Variants in MBNL2 observed in about 807,000 individuals in gnomAD.
MBNL2 encodes the protein muscleblind like splicing regulator 2, also known as muscleblind-like protein 2.
In MBNL2, 17 loss-of-function variants were observed where a neutral mutation model predicts 41.9. The ratio of observed to expected loss-of-function variants is 0.41; its 90% CI spans 0.28 to 0.61. MBNL2 has a LOEUF of 0.61. MBNL2 is among the 20% of genes least tolerant of loss of function. The pLI is 0.35. For synonymous variants in MBNL2, 195 were observed against 182.9 expected (o/e 1.07, Z -0.53); for missense variants, 336 against 505.6 (o/e 0.66, Z 3.22).
intron 1 of MBNL2, among the ~76,000 whole-genome samples, chr13:97,246,430 T>C (rs1435735178): frequency 2.0e-5 from 3 of 152,124 alleles, no homozygotes; most frequent in Non-Finnish European, 4.4e-5. Context: ...ATTTAAAACC[T>C]AAAAAAGTGA....
intron 7 of MBNL2, 96 bp from the exon 8 acceptor site, chr13:97,365,040 G>A (rs2063743643): frequency 3.6e-6 from 3 of 824,810 alleles, no homozygotes; most frequent in Middle Eastern, 4.4e-4. Flanking sequence ...CTTATTTCTG[G>A]TTGTGCTTCA....
the MBNL2 span, among the ~76,000 whole-genome samples, chr13:97,170,701 C>T: frequency 7.9e-5 from 12 of 152,064 alleles, no homozygotes; most frequent in Non-Finnish European, 1.6e-4. Context: ...TGCAAAAAAT[C>T]TGAGAAAAAA....
chr13:97,151,322 C>T, the MBNL2 span, among the ~76,000 whole-genome samples: 7 of 152,122 alleles, frequency 4.6e-5, no homozygotes, highest in Admixed American at 4.6e-4. Context: ...TTCCCTCTCT[C>T]ACTCTATACA....
chr13:97,144,306 A>G, the MBNL2 span, among the ~76,000 whole-genome samples: 1 of 151,922 alleles, frequency 6.6e-6, no homozygotes, highest in Non-Finnish European at 1.5e-5. Flanking sequence ...AGGGCCAGAT[A>G]CCCGTAGGAT....
At chr13:97,252,098 C>T (rs1448381899) in intron 1 of MBNL2, among the ~76,000 whole-genome samples, 1 of 151,872 alleles carries the variant, frequency 6.6e-6, no homozygotes, top group Non-Finnish European at 1.5e-5. Context: ...GATCCACCCG[C>T]CTCGGCCTCC....
At chr13:97,260,157 A>G (rs961471360) in intron 1 of MBNL2, among the ~76,000 whole-genome samples, 1 of 152,224 alleles carries the variant, frequency 6.6e-6, no homozygotes, top group Non-Finnish European at 1.5e-5. Flanking sequence ...AGACTGCCCC[A>G]TAGGCTGACC....
chr13:97,353,187 A>G (rs2062662547), intron 5 of MBNL2, among the ~76,000 whole-genome samples: 1 of 152,216 alleles, frequency 6.6e-6, no homozygotes, highest in African/African-American at 2.4e-5. Flanking sequence ...GATAAGTCAG[A>G]GGATCTTGCA....
intron 1 of MBNL2, among the ~76,000 whole-genome samples, chr13:97,228,754 T>A (rs916148209): frequency 6.6e-6 from 1 of 152,042 alleles, no homozygotes; most frequent in African/African-American, 2.4e-5. Flanking sequence ...AGTCTCGAAC[T>A]CCTGACCTCA....
chr13:97,184,288 A>G, the MBNL2 span, among the ~76,000 whole-genome samples: 8 of 152,222 alleles, frequency 5.3e-5, no homozygotes, highest in African/African-American at 1.9e-4. Flanking sequence ...AAGTTTTGGT[A>G]AGACGTGAGA....
At chr13:97,179,762 T>C in the MBNL2 span, 1 of 152,014 alleles carries the variant, frequency 6.6e-6, no homozygotes, top group African/African-American at 2.4e-5. Flanking sequence ...AGAAACAACA[T>C]GTGTGATGGC....
chr13:97,153,364 AAAATC>A, the MBNL2 span, among the ~76,000 whole-genome samples: 11 of 152,038 alleles, frequency 7.2e-5, no homozygotes, highest in African/African-American at 2.4e-4. Context: ...GAAGAAGTGA[AAAATC>A]AAAAGTTTAG....
chr13:97,348,021 C>G, intron 5 of MBNL2, among the ~76,000 whole-genome samples: 1 of 151,566 alleles, frequency 6.6e-6, no homozygotes, highest in Non-Finnish European at 1.5e-5. Flanking sequence ...GTCCCTTTCC[C>G]TGAAGTTTCT....
chr13:97,296,869 A>G (rs1424651833), intron 2 of MBNL2, among the ~76,000 whole-genome samples: 2 of 152,200 alleles, frequency 1.3e-5, no homozygotes, highest in Non-Finnish European at 1.5e-5. Context: ...ACTCATTGCC[A>G]TTTAAATAAT....
intron 7 of MBNL2, 83 bp downstream of exon 7, chr13:97,357,718 T>C: frequency 7.2e-7 from 1 of 1,380,084 alleles, no homozygotes; most frequent in Non-Finnish European, 1.0e-6. Flanking sequence ...TGGTGGCATC[T>C]AGTTTGCTTT....
intron 2 of MBNL2, among the ~76,000 whole-genome samples, chr13:97,300,703 T>C (rs1443501045): frequency 2.0e-5 from 3 of 152,216 alleles, no homozygotes; most frequent in African/African-American, 7.2e-5. Context: ...TACTCCACTA[T>C]ACTCTCTTCC....
chr13:97,161,226 A>G, the MBNL2 span, among the ~76,000 whole-genome samples: 23 of 152,210 alleles, frequency 1.5e-4, no homozygotes, highest in African/African-American at 2.4e-4. Flanking sequence ...AGGAAATTCA[A>G]TCCCGCTGGA....
At chr13:97,155,846 G>T in the MBNL2 span, among the ~76,000 whole-genome samples, 2 of 148,662 alleles carry the variant, frequency 1.3e-5, no homozygotes, top group African/African-American at 2.5e-5. Context: ...GAATAATGCC[G>T]CAATAAACAT....
At chr13:97,216,977 A>G (rs1489156430), upstream of MBNL2, among the ~76,000 whole-genome samples, 2 of 148,846 alleles carry the variant, frequency 1.3e-5, no homozygotes, top group Middle Eastern at 6.5e-3. Context: ...ATGTATACAT[A>G]ATACATAATA....
intron 2 of MBNL2, among the ~76,000 whole-genome samples, chr13:97,316,687 T>C (rs2059086200): frequency 6.6e-6 from 1 of 152,194 alleles, no homozygotes; most frequent in Non-Finnish European, 1.5e-5. Flanking sequence ...ACAAAGTCTT[T>C]GCTGCTGAAT....
Sources: allele counts gnomAD v4.1 joint callset (sites outside exome capture counted in the v4.1 genomes callset), GRCh38; gene constraint gnomAD v4.1.1; transcripts MANE v1.5; gene names NCBI Gene and HGNC (gene_info 2026-07-23, HGNC 2026-07-21).